The following NAALADL2 variants were observed in gnomAD, a reference collection of about 807,000 sequenced individuals.
NAALADL2 encodes N-acetylated alpha-linked acidic dipeptidase like 2, also known as inactive N-acetylated-alpha-linked acidic dipeptidase-like protein 2.
In NAALADL2, 76 loss-of-function variants were observed where a neutral mutation model predicts 87.2. The observed-to-expected ratio is 0.87, with a 90% CI of 0.72 to 1.05. NAALADL2 has a LOEUF of 1.05. NAALADL2 is among the 50% of genes least tolerant of loss of function. The pLI is 0.00. For synonymous variants in NAALADL2, 354 were observed against 331.0 expected, an observed-to-expected ratio of 1.07 and a Z score of -0.75; for missense variants, 1,089 against 945.8, an observed-to-expected ratio of 1.15 and a Z score of -1.99.
At chr3:175,525,370 T>C (rs566159905) in intron 9 of NAALADL2, among the ~76,000 whole-genome samples, 2 of 152,284 alleles carry the variant, frequency 1.3e-5, no homozygotes, top group African/African-American at 4.8e-5. Flanking sequence ...TACCCCATCG[T>C]CCCATTTCTC....
intron 10 of NAALADL2, among the ~76,000 whole-genome samples, chr3:175,600,293 T>C (rs1207393968): frequency 6.6e-6 from 1 of 151,844 alleles, no homozygotes; most frequent in Non-Finnish European, 1.5e-5. Flanking sequence ...TACATACACA[T>C]AATCTCAAAT....
intron 1 of NAALADL2, among the ~76,000 whole-genome samples, chr3:174,998,228 C>A (rs1451712162): frequency 6.6e-6 from 1 of 152,158 alleles, no homozygotes; most frequent in Non-Finnish European, 1.5e-5. Context: ...CAAGGATACC[C>A]TATTATAATC....
chr3:174,906,508 C>T (rs1732974492), intron 1 of NAALADL2, among the ~76,000 whole-genome samples: 1 of 152,072 alleles, frequency 6.6e-6, no homozygotes, highest in Non-Finnish European at 1.5e-5. Flanking sequence ...TGTAAAGTAC[C>T]CTCTGGATAG....
At chr3:175,669,453 T>G (rs1425155689) in intron 11 of NAALADL2, among the ~76,000 whole-genome samples, 1 of 152,084 alleles carries the variant, frequency 6.6e-6, no homozygotes, top group African/African-American at 2.4e-5. Context: ...TGCATCTTTA[T>G]TCATTGAAGA....
At chr3:175,643,996 T>A (rs1729638638) in intron 11 of NAALADL2, among the ~76,000 whole-genome samples, 1 of 152,208 alleles carries the variant, frequency 6.6e-6, no homozygotes, top group Non-Finnish European at 1.5e-5. Flanking sequence ...CAGTCTGATA[T>A]GTGTAAGAGG....
rs191088235 is a variant in NAALADL2, at chr3:175,464,093, C to T, written c.1327+600C>T. Reference sequence around the variant, plus strand: ...TCATGTGATCCACCAGCCTTGGCCTCCCAAAGTGCTGGGATTAAAGGGGTG... The same window carrying T: ...TCATGTGATCCACCAGCCTTGGCCTTCCAAAGTGCTGGGATTAAAGGGGTG... On this transcript the variant is annotated intron_variant, in intron 7 of 13. Transcript: ENST00000454872. 4.5e-4 allele frequency among the ~76,000 whole-genome samples: 69 copies of T among 152,216 alleles called. 2 individuals carry two copies. Among genetic ancestry groups the T allele is most frequent in the Non-Finnish European group, 3.2e-4 (22 of 67,996 alleles).
chr3:175,225,707 G>A (rs954316092), intron 2 of NAALADL2, among the ~76,000 whole-genome samples: 26 of 151,870 alleles, frequency 1.7e-4, no homozygotes, highest in South Asian at 2.1e-4. Flanking sequence ...TAGAAATAAT[G>A]ACTCTTTTTA....
rs74749321 is a variant in NAALADL2 at position 175,800,566 on chromosome 3, C to T, written c.2190-2439C>T. Reference sequence around the variant, plus strand: ...AGAATCCTCTTTTCCCACCACCCCTCATCATGTACTCATTTTCAACAGAAA... The same window carrying T: ...AGAATCCTCTTTTCCCACCACCCCTTATCATGTACTCATTTTCAACAGAAA... On this transcript the variant is annotated intron_variant, in intron 13 of 13. Transcript: ENST00000454872. 2.0e-3 allele frequency among the ~76,000 whole-genome samples: 308 copies of T among 151,682 alleles called. 2 individuals carry two copies. Among genetic ancestry groups the T allele is most frequent in the East Asian group, 0.017 (86 of 5,164 alleles).
chr3:175,754,238 G>A (rs1746963610), intron 12 of NAALADL2, among the ~76,000 whole-genome samples: 1 of 152,112 alleles, frequency 6.6e-6, no homozygotes, highest in South Asian at 2.1e-4. Context: ...TACAGATGAG[G>A]GCACTGAGGC....
intron 2 of NAALADL2, among the ~76,000 whole-genome samples, chr3:175,192,672 T>G (rs1311238007): frequency 6.6e-6 from 1 of 152,076 alleles, no homozygotes; most frequent in African/African-American, 2.4e-5. Context: ...AGTCACTACT[T>G]TCAAATTATT....
At chr3:174,997,201 A>T (rs1209207644) in intron 1 of NAALADL2, among the ~76,000 whole-genome samples, 1 of 151,956 alleles carries the variant, frequency 6.6e-6, no homozygotes, top group Non-Finnish European at 1.5e-5. Flanking sequence ...GATATCCAGT[A>T]GTGGGATTGC....
intron 8 of NAALADL2, 127 bp downstream of exon 8, chr3:175,467,311 G>T: frequency 1.5e-6 from 1 of 685,196 alleles, no homozygotes; most frequent in Non-Finnish European, 2.4e-6. Flanking sequence ...TGCCTAATTT[G>T]CTGAGATGGC....
At chr3:174,621,012 G>C (rs1720942433) in intron 2 of NAALADL2, among the ~76,000 whole-genome samples, 1 of 151,964 alleles carries the variant, frequency 6.6e-6, no homozygotes, top group South Asian at 2.1e-4. Context: ...GTACTGACTA[G>C]GAAGAGCGTA....
At chr3:174,625,258 A>G (rs930552819) in intron 2 of NAALADL2, among the ~76,000 whole-genome samples, 2 of 151,936 alleles carry the variant, frequency 1.3e-5, no homozygotes, top group South Asian at 2.1e-4. Context: ...AGGTTTCACC[A>G]TGTTGGCCAG....
intron 2 of NAALADL2, among the ~76,000 whole-genome samples, chr3:174,608,587 C>G (rs1457866492): frequency 6.6e-6 from 1 of 152,114 alleles, no homozygotes; most frequent in African/African-American, 2.4e-5. Context: ...TTCCTTGACA[C>G]ATACACCCTC....
At chr3:174,961,041 A>AT (rs1560415536) in intron 1 of NAALADL2, among the ~76,000 whole-genome samples, 1 of 146,624 alleles carries the variant, frequency 6.8e-6, no homozygotes, top group Admixed American at 6.9e-5. Flanking sequence ...TGTTTCTAAA[A>AT]ATATATATAT....
At chr3:174,476,104 T>A (rs990015689) in intron 1 of NAALADL2, among the ~76,000 whole-genome samples, 1 of 152,016 alleles carries the variant, frequency 6.6e-6, no homozygotes, top group African/African-American at 2.4e-5. Flanking sequence ...ATCTAATGAA[T>A]GAAATAATCA....
At chr3:175,352,605 CA>C (rs1763891836) in intron 5 of NAALADL2, among the ~76,000 whole-genome samples, 1 of 152,010 alleles carries the variant, frequency 6.6e-6, no homozygotes, top group Non-Finnish European at 1.5e-5. Context: ...CTCAAAGTCT[CA>C]AGAGAAGGAA....
chr3:175,775,143 A>G (rs921103014), intron 13 of NAALADL2: 1 of 142,286 alleles, frequency 7.0e-6, no homozygotes, highest in African/African-American at 2.6e-5. Flanking sequence ...GTGGTTGGTG[A>G]TGTTGTTACA....
Sources: gnomAD v4.1 joint callset for allele counts (sites outside exome capture counted in the v4.1 genomes callset) on GRCh38, gnomAD v4.1.1 for gene constraint, MANE v1.5 for transcripts, NCBI Gene and HGNC (gene_info 2026-07-23, HGNC 2026-07-21) for gene names.